NR3C2: variants seen among roughly 807,000 people sequenced by gnomAD.
The protein encoded by NR3C2 is nuclear receptor subfamily 3 group C member 2.
A neutral mutation model predicts 86.4 loss-of-function variants in NR3C2; 15 were observed. That is an observed-to-expected ratio of 0.17 (90% confidence interval 0.12 to 0.27). The LOEUF is 0.27. NR3C2 is among the 10% of genes least tolerant of loss of function. NR3C2 has a pLI of 1.00. For synonymous variants in NR3C2, 458 were observed against 450.5 expected (o/e 1.02, Z -0.21); for missense variants, 960 against 1,195.6 (o/e 0.80, Z 2.91).
chr4:148,096,700 A>C (rs928752177), intron 8 of NR3C2, among the ~76,000 whole-genome samples: 4 of 152,190 alleles, frequency 2.6e-5, no homozygotes, highest in Non-Finnish European at 5.9e-5. Context: ...ACTGAAAAAA[A>C]ATCCAAAGAA....
chr4:148,425,900 G>A (rs766739593), intron 2 of NR3C2, among the ~76,000 whole-genome samples: 3 of 151,946 alleles, frequency 2.0e-5, no homozygotes, highest in Non-Finnish European at 4.4e-5. Context: ...AAATAGTGAC[G>A]GCAGTCACCA....
intron 6 of NR3C2, among the ~76,000 whole-genome samples, chr4:148,126,988 AG>A (rs1732778533): frequency 1.3e-5 from 2 of 152,064 alleles, no homozygotes; most frequent in Non-Finnish European, 2.9e-5. Flanking sequence ...TTTTTTCCAG[AG>A]TCATACAACT....
At chr4:148,121,377 T>G (rs1425326433) in intron 6 of NR3C2, among the ~76,000 whole-genome samples, 2 of 152,246 alleles carry the variant, frequency 1.3e-5, no homozygotes, top group Non-Finnish European at 2.9e-5. Flanking sequence ...TGCATTACTG[T>G]ATGTCTTTCC....
intron 2 of NR3C2, among the ~76,000 whole-genome samples, chr4:148,325,103 G>A (rs1329274435): frequency 5.5e-5 from 8 of 144,772 alleles, no homozygotes; most frequent in African/African-American, 2.7e-5. Context: ...GGAGCATAGT[G>A]GAGAGACAGA....
intron 3 of NR3C2, among the ~76,000 whole-genome samples, chr4:148,218,309 C>T (rs1737650613): frequency 6.6e-6 from 1 of 152,138 alleles, no homozygotes; most frequent in Non-Finnish European, 1.5e-5. Context: ...AAACAGAAGC[C>T]TTAAAAACCA....
Position 148,319,674 on chromosome 4 carries a change from T to C in NR3C2, c.1758-59557A>G, listed in dbSNP as rs545176768. ...GGAGTTCACTCATGATTTGGATCTCTGTTTGTCTGTTGTTGGTGTATAAGA... is the reference window on the plus strand; with the variant it reads ...GGAGTTCACTCATGATTTGGATCTCCGTTTGTCTGTTGTTGGTGTATAAGA... On this transcript the variant is annotated intron_variant, in intron 2 of 8. Coordinates refer to ENST00000358102, the MANE Select transcript of NR3C2 (RefSeq NM_000901.5). Among the ~76,000 whole-genome samples, 234 of 151,322 alleles carry C rather than the reference T, an allele frequency of 1.5e-3. 1 individual carries two copies. The highest frequency in any genetic ancestry group is 5.3e-3 in the African/African-American group (217 of 40,964).
intron 2 of NR3C2, among the ~76,000 whole-genome samples, chr4:148,353,929 G>A (rs61761531): frequency 3.7e-3 from 567 of 152,120 alleles, no homozygotes; most frequent in Non-Finnish European, 6.0e-3. Context: ...TTTAATTTAG[G>A]GATGAATACC....
chr4:148,295,515 C>T (rs1742005361), intron 2 of NR3C2, among the ~76,000 whole-genome samples: 1 of 148,670 alleles, frequency 6.7e-6, no homozygotes, highest in South Asian at 2.2e-4. Flanking sequence ...GTATGTATGT[C>T]ATTCCCTCCA....
intron 8 of NR3C2, among the ~76,000 whole-genome samples, chr4:148,089,568 AAC>A (rs1304768710): frequency 3.3e-5 from 5 of 152,268 alleles, no homozygotes; most frequent in Non-Finnish European, 7.3e-5. Context: ...CCCTCTATGG[AAC>A]ACAGTTTGTG....
chr4:148,415,823 G>A (rs78481921), intron 2 of NR3C2, among the ~76,000 whole-genome samples: 2,997 of 151,948 alleles, frequency 0.02, 105 homozygotes, highest in African/African-American at 0.068. Flanking sequence ...ATAATTTTTC[G>A]TCCTAGAAAC....
At chr4:148,111,587 A>G (rs1474559413) in intron 8 of NR3C2, among the ~76,000 whole-genome samples, 2 of 152,214 alleles carry the variant, frequency 1.3e-5, no homozygotes, top group Non-Finnish European at 2.9e-5. Flanking sequence ...ACAACCATCA[A>G]TAGGTGACTG....
chr4:148,349,516 G>A (rs1745164251), intron 2 of NR3C2, among the ~76,000 whole-genome samples: 1 of 152,056 alleles, frequency 6.6e-6, no homozygotes, highest in African/African-American at 2.4e-5. Flanking sequence ...CTTCTGCAGG[G>A]TAGCCCCATA....
chr4:148,397,229 G>A (rs72658620), intron 2 of NR3C2, among the ~76,000 whole-genome samples: 1 of 152,240 alleles, frequency 6.6e-6, no homozygotes, highest in African/African-American at 2.4e-5. Flanking sequence ...GCAACCCTGA[G>A]GGGGAGGGTG....
At chr4:148,260,350 C>T (rs916000516) in intron 2 of NR3C2, among the ~76,000 whole-genome samples, 1 of 152,112 alleles carries the variant, frequency 6.6e-6, no homozygotes, top group African/African-American at 2.4e-5. Flanking sequence ...AAGAAATAAT[C>T]AAATGTAAAT....
At chr4:148,262,087 T>A (rs930050211) in intron 2 of NR3C2, among the ~76,000 whole-genome samples, 30 of 152,230 alleles carry the variant, frequency 2.0e-4, no homozygotes, top group African/African-American at 7.0e-4. Flanking sequence ...TAAAACTTAA[T>A]CCATACCCTG....
At chr4:148,083,867 G>A (rs1195135609) in intron 8 of NR3C2, among the ~76,000 whole-genome samples, 3 of 151,988 alleles carry the variant, frequency 2.0e-5, no homozygotes, top group Admixed American at 6.6e-5. Context: ...CAAGAACTTC[G>A]TGAAGCATAC....
At chr4:148,364,862 TG>T (rs906331703) in intron 2 of NR3C2, among the ~76,000 whole-genome samples, 7 of 151,828 alleles carry the variant, frequency 4.6e-5, no homozygotes, top group African/African-American at 7.3e-5. Flanking sequence ...TGAGATATAT[TG>T]GGGATGGGAC....
chr4:148,218,706 C>T (rs12647605), intron 3 of NR3C2, among the ~76,000 whole-genome samples: 78,035 of 151,936 alleles, frequency 0.51, 20,475 homozygotes, highest in South Asian at 0.6. Flanking sequence ...AACTACTAAT[C>T]TAGTTTCTGT....
chr4:148,333,799 C>T (rs937949597), intron 2 of NR3C2, among the ~76,000 whole-genome samples: 2 of 152,086 alleles, frequency 1.3e-5, no homozygotes, highest in South Asian at 4.1e-4. Flanking sequence ...GGACCCTGCC[C>T]GCTGGACCAG....
Sources: gnomAD v4.1 joint callset for allele counts (sites outside exome capture counted in the v4.1 genomes callset) on GRCh38, gnomAD v4.1.1 for gene constraint, MANE v1.5 for transcripts, NCBI Gene and HGNC (gene_info 2026-07-23, HGNC 2026-07-21) for gene names.